AUTS2: variants seen among roughly 807,000 people sequenced by gnomAD.
AUTS2 encodes activator of transcription and developmental regulator AUTS2.
AUTS2 carries 17 observed loss-of-function variants against 112.4 expected under a neutral mutation model. The observed-to-expected ratio is 0.15, with a 90% CI of 0.10 to 0.23. The LOEUF (loss-of-function observed/expected upper bound fraction) is 0.23. Ranked by LOEUF, AUTS2 falls within the 10% of genes least tolerant of loss-of-function variation. The pLI is 1.00. For synonymous variants in AUTS2, 751 were observed against 702.7 expected, an observed-to-expected ratio of 1.07 and a Z score of -1.09; for missense variants, 1,510 against 1,701.6, an observed-to-expected ratio of 0.89 and a Z score of 1.98.
At chr7:70,626,851 C>T (rs915773445) in intron 5 of AUTS2, among the ~76,000 whole-genome samples, 1 of 152,172 alleles carries the variant, frequency 6.6e-6, no homozygotes. Flanking sequence ...GATTTTGTTG[C>T]TTTTTCTGGC....
At chr7:70,360,251 C>G (rs1484222717) in intron 4 of AUTS2, among the ~76,000 whole-genome samples, 1 of 152,166 alleles carries the variant, frequency 6.6e-6, no homozygotes, top group Non-Finnish European at 1.5e-5. Context: ...CTTCAGCCTC[C>G]TGAGTAGCTG....
intron 2 of AUTS2, among the ~76,000 whole-genome samples, chr7:69,973,647 A>G (rs1384381726): frequency 6.6e-6 from 1 of 152,054 alleles, no homozygotes; most frequent in Non-Finnish European, 1.5e-5. Flanking sequence ...TCATGAATGG[A>G]TGTAGAATTT....
intron 1 of AUTS2, among the ~76,000 whole-genome samples, chr7:69,710,056 TG>T (rs1798245845): frequency 6.6e-6 from 1 of 152,220 alleles, no homozygotes; most frequent in Non-Finnish European, 1.5e-5. Context: ...TCTTTTTTGA[TG>T]GCCAGCCCTC....
chr7:69,758,013 T>G (rs915979719), intron 1 of AUTS2, among the ~76,000 whole-genome samples: 1 of 152,252 alleles, frequency 6.6e-6, no homozygotes, highest in African/African-American at 2.4e-5. Flanking sequence ...CCTAGGCTTA[T>G]CAGAGAAGGC....
intron 4 of AUTS2, among the ~76,000 whole-genome samples, chr7:70,321,895 TTA>T (rs933034372): frequency 6.6e-6 from 1 of 152,208 alleles, no homozygotes; most frequent in African/African-American, 2.4e-5. Context: ...CATATACTCT[TTA>T]TGAAAATAAT....
At chr7:70,618,291 G>A (rs73449671) in intron 5 of AUTS2, among the ~76,000 whole-genome samples, 7,981 of 152,208 alleles carry the variant, frequency 0.052, 515 homozygotes, top group African/African-American at 0.15. Flanking sequence ...TGTATGAGAC[G>A]AGGAGGCCGG....
chr7:70,132,608 T>C (rs1806336803), intron 3 of AUTS2, among the ~76,000 whole-genome samples: 1 of 152,310 alleles, frequency 6.6e-6, no homozygotes, highest in Non-Finnish European at 1.5e-5. Context: ...CAGTCAGACC[T>C]GCATAAACAA....
intron 1 of AUTS2, among the ~76,000 whole-genome samples, chr7:69,629,884 A>G (rs559939585): frequency 6.6e-6 from 1 of 152,246 alleles, no homozygotes; most frequent in East Asian, 1.9e-4. Context: ...AGGGAACAGG[A>G]TTTTTAAAAT....
intron 2 of AUTS2, among the ~76,000 whole-genome samples, chr7:69,964,122 C>G (rs1043278860): frequency 1.3e-5 from 2 of 152,158 alleles, no homozygotes; most frequent in Admixed American, 6.5e-5. Flanking sequence ...GTTCCACTAT[C>G]CTACCATATT....
chr7:70,190,707 T>C (rs1809834976), intron 4 of AUTS2, among the ~76,000 whole-genome samples: 1 of 152,232 alleles, frequency 6.6e-6, no homozygotes, highest in Admixed American at 6.5e-5. Flanking sequence ...ATTTTACTGA[T>C]GTTTCAATTC....
intron 5 of AUTS2, among the ~76,000 whole-genome samples, chr7:70,569,431 G>A (rs1014671334): frequency 2.6e-5 from 4 of 152,140 alleles, no homozygotes; most frequent in East Asian, 1.9e-4. Flanking sequence ...TGATCTGGCC[G>A]CACTTGTATC....
intron 2 of AUTS2, among the ~76,000 whole-genome samples, chr7:69,949,122 A>G (rs1052968125): frequency 6.6e-6 from 1 of 152,100 alleles, no homozygotes; most frequent in Non-Finnish European, 1.5e-5. Flanking sequence ...CTTGATTTTT[A>G]TTAGTCACCT....
intron 5 of AUTS2, among the ~76,000 whole-genome samples, chr7:70,536,332 T>A (rs894304316): frequency 1.3e-5 from 2 of 152,080 alleles, no homozygotes; most frequent in African/African-American, 4.8e-5. Flanking sequence ...AAGGGCATCA[T>A]TACATAGAGA....
chr7:69,790,763 T>C (rs1789577883), intron 1 of AUTS2, among the ~76,000 whole-genome samples: 1 of 152,238 alleles, frequency 6.6e-6, no homozygotes, highest in Non-Finnish European at 1.5e-5. Context: ...GTCCAGATGA[T>C]GCTTTATTCT....
chr7:70,614,655 C>T (rs989567459), intron 5 of AUTS2, among the ~76,000 whole-genome samples: 7 of 152,216 alleles, frequency 4.6e-5, no homozygotes, highest in Admixed American at 1.3e-4. Flanking sequence ...CCCACCCCCA[C>T]GCTGGCCTTC....
chr7:69,825,718 C>T (rs1019666389), intron 1 of AUTS2: 1 of 152,050 alleles, frequency 6.6e-6, no homozygotes, highest in Non-Finnish European at 1.5e-5. Flanking sequence ...AATCCCTGAG[C>T]CTTTCTCCTT....
chr7:69,673,595 A>G (rs776382128), intron 1 of AUTS2, among the ~76,000 whole-genome samples: 3 of 152,218 alleles, frequency 2.0e-5, no homozygotes, highest in Non-Finnish European at 4.4e-5. Flanking sequence ...TGCTTGTAAC[A>G]AGAGGGAAGA....
intron 4 of AUTS2, among the ~76,000 whole-genome samples, chr7:70,387,438 T>G (rs1793662806): frequency 6.6e-6 from 1 of 152,208 alleles, no homozygotes; most frequent in Non-Finnish European, 1.5e-5. Flanking sequence ...GTTTAGTGCC[T>G]TCCCAAATAT....
At chr7:69,985,154 C>T (rs1396322530) in intron 2 of AUTS2, among the ~76,000 whole-genome samples, 1 of 150,938 alleles carries the variant, frequency 6.6e-6, no homozygotes, top group African/African-American at 2.4e-5. Flanking sequence ...TCACTTGAAC[C>T]CAGGAGGTCT....
Sources: gnomAD v4.1 joint callset for allele counts (sites outside exome capture counted in the v4.1 genomes callset) on GRCh38, gnomAD v4.1.1 for gene constraint, MANE v1.5 for transcripts, NCBI Gene and HGNC (gene_info 2026-07-23, HGNC 2026-07-21) for gene names.